Variants in SEMA3B observed in about 807,000 individuals in gnomAD.
SEMA3B encodes the protein semaphorin 3B, also known as semaphorin-3B.
In SEMA3B, 71 loss-of-function variants were observed where a neutral mutation model predicts 77.8. That is an observed-to-expected ratio of 0.91 (90% CI 0.75 to 1.11). The LOEUF (loss-of-function observed/expected upper bound fraction) is 1.11, where lower values mean the gene tolerates loss of function less well. Among genes scored for constraint, SEMA3B ranks in the 50% most tolerant of loss-of-function variants. The pLI, the probability that SEMA3B is intolerant of heterozygous loss-of-function variation, is 0.00. For synonymous variants in SEMA3B, 470 were observed against 452.9 expected, an observed-to-expected ratio of 1.04 and a Z score of -0.48; for missense variants, 968 against 1,056.8, an observed-to-expected ratio of 0.92 and a Z score of 1.17.
At position 50,275,534 on chromosome 3, in the gene SEMA3B, C is replaced by G. The variant is rs782085412; in HGVS notation, c.1650-26C>G. ...ACTGCCCGGGGCTGAAAGAAGGGCT[C>G]ACAGAAGATCGGATGTTCCCCACAG... On this transcript the variant is annotated intron_variant, in intron 14 of 16. Transcript: ENST00000616701. This position sits in a 1 kb window ranked among gnomAD's most constrained non-coding sequence, Gnocchi z 7.5. The G allele has an allele frequency of 2.5e-6, 4 of 1,613,636 alleles. No homozygotes were observed. The highest frequency in any genetic ancestry group is 3.4e-6 in the Non-Finnish European group (4 of 1,179,872).
In SEMA3B at chr3:50,276,804, TG is replaced by T. The variant is rs1475793666; in HGVS notation, c.*103del. 8 of 1,349,444 alleles carry T rather than the reference TG, an allele frequency of 5.9e-6. No individual in the cohort carries two copies. The highest frequency in any genetic ancestry group is 5.8e-6 in the Non-Finnish European group (6 of 1,041,090). 83.6% of individuals were successfully genotyped at this position (1,349,444 alleles called of 1,614,324 possible). ...AAGGACGGGTTGGGGCCGGGCACAT[TG>T]GGGGTCACCGGCCGATGGAGACACC... On this transcript the variant is annotated 3_prime_UTR_variant, in exon 17 of 17. Coordinates refer to ENST00000616701, the MANE Select transcript of SEMA3B (RefSeq NM_001290060.2). This position sits in a 1 kb window ranked among gnomAD's most constrained non-coding sequence, Gnocchi z 5.8.
chr3:50,262,282 G>C, the SEMA3B span: 2 of 152,128 alleles, frequency 1.3e-5, no homozygotes, highest in African/African-American at 4.8e-5. Flanking sequence ...GTGGCTGAGC[G>C]AGACTCCATC....
Position 50,270,719 on chromosome 3 carries a change from C to T in SEMA3B, c.331-171C>T, listed in dbSNP as rs1701024401. 1 of 1,235,408 alleles carries T rather than the reference C, an allele frequency of 8.1e-7. No homozygotes were observed. The highest frequency in any genetic ancestry group is 1.1e-6 in the Non-Finnish European group (1 of 900,676). 76.5% of individuals were successfully genotyped at this position (1,235,408 alleles called of 1,614,324 possible). On this transcript the variant is annotated intron_variant, in intron 3 of 16. Coordinates refer to ENST00000616701, the MANE Select transcript of SEMA3B (RefSeq NM_001290060.2). This position sits in a 1 kb window ranked among gnomAD's most constrained non-coding sequence, Gnocchi z 4.7. ...GCAGGCCTGTGCTTCCCCAGACACC[C>T]ACCCTCGTGAGGCCTGGGCTGGTCA...
rs782690597 is a variant in SEMA3B, at chr3:50,273,688, G to A, written c.922+42G>A. ...GTATGGGGTTGGGGAGGGGGGCAGCGGCGCAGACTCCGGGAGCCCCCGCCG... is the reference window on the plus strand; with the variant it reads ...GTATGGGGTTGGGGAGGGGGGCAGCAGCGCAGACTCCGGGAGCCCCCGCCG... On this transcript the variant is annotated intron_variant, in intron 8 of 16. Transcript: ENST00000616701. This position sits in a 1 kb window ranked among gnomAD's most constrained non-coding sequence, Gnocchi z 6.5. 2 of 1,602,180 alleles carry A rather than the reference G, an allele frequency of 1.2e-6. No individual in the cohort carries two copies. The highest frequency in any genetic ancestry group is 1.3e-5 in the African/African-American group (1 of 74,982).
rs1374756065 is a variant in SEMA3B at position 50,277,033 on chromosome 3, C to T, written c.*327C>T. The T allele has an allele frequency of 5.7e-6, 2 of 350,534 alleles. No individual in the cohort carries two copies. The highest frequency in any genetic ancestry group is 9.6e-5 in the East Asian group (2 of 20,866). The allele number at this position is 350,534 out of a possible 1,614,324, so 21.7% of individuals were successfully genotyped here. On this transcript the variant is annotated 3_prime_UTR_variant, in exon 17 of 17. Coordinates refer to ENST00000616701, the MANE Select transcript of SEMA3B (RefSeq NM_001290060.2). ...CACCCTGGGAGACAGACCCCACCTC[C>T]TTGGGTAGTGAGCAGTGAGCAGAAA... is the stretch of plus-strand genomic sequence containing the variant.
At chr3:50,272,570 G>A (rs1701080499) in intron 6 of SEMA3B, among the ~76,000 whole-genome samples, 1 of 152,102 alleles carries the variant, frequency 6.6e-6, no homozygotes, top group South Asian at 2.1e-4. Context: ...AATTAGTCCG[G>A]CATGATGGTG....
Position 50,270,737 on chromosome 3 carries a change from G to T in SEMA3B, c.331-153G>T, listed in dbSNP as rs1371469746. 6.7e-6 allele frequency: 9 copies of T among 1,334,168 alleles called. No individual in the cohort carries two copies. The highest frequency in any genetic ancestry group is 9.2e-6 in the Non-Finnish European group (9 of 981,008). 82.6% of individuals were successfully genotyped at this position (1,334,168 alleles called of 1,614,324 possible). ...AGACACCCACCCTCGTGAGGCCTGG[G>T]CTGGTCAGCAAGGGCCCCCAGGTCC... On this transcript the variant is annotated intron_variant, in intron 3 of 16. Coordinates refer to ENST00000616701, the MANE Select transcript of SEMA3B (RefSeq NM_001290060.2). The surrounding 1 kb of genome is among the most constrained non-coding windows in gnomAD (Gnocchi z 4.7).
rs767815160 is a variant in SEMA3B at position 50,273,210 on chromosome 3, C to T, written c.665-88C>T. On this transcript the variant is annotated intron_variant, in intron 6 of 16. Coordinates refer to ENST00000616701, the MANE Select transcript of SEMA3B (RefSeq NM_001290060.2). The surrounding 1 kb of genome is among the most constrained non-coding windows in gnomAD (Gnocchi z 6.5). Reference sequence around the variant, plus strand: ...ACACTGTGATCCCGGGTGCTGTGCCCGCACTACGGGAAGGGGAAGCAGCGC... The same window carrying T: ...ACACTGTGATCCCGGGTGCTGTGCCTGCACTACGGGAAGGGGAAGCAGCGC... 129 of 1,507,710 alleles carry T rather than the reference C, an allele frequency of 8.6e-5. No homozygotes were observed. The highest frequency in any genetic ancestry group is 3.5e-4 in the Middle Eastern group (2 of 5,764). The allele number at this position is 1,507,710 out of a possible 1,614,324, so 93.4% of individuals were successfully genotyped here. A position where few individuals can be genotyped will look rare whatever the true frequency, so the allele number is the denominator to read the frequency against.
In SEMA3B at chr3:50,275,724, G is replaced by C. The variant is rs1553706489; in HGVS notation, c.1725G>C (p.Leu575=). The C allele has an allele frequency of 1.9e-6, 3 of 1,612,656 alleles. No individual in the cohort carries two copies. The highest frequency in any genetic ancestry group is 2.2e-5 in the South Asian group (2 of 91,008). ...LCSGDSSRPA[L]LEHKVFGVEG... is the part of the protein sequence containing the mutation. ...CCCAAGACTCGTCTCGTCCCGCGCT[G>C]CTGGAACACAAGGTGTTCGGCGTGG... Residue 575 remains leucine, a synonymous_variant, in exon 16 of 17, where the codon CTG becomes CTC. Coordinates refer to ENST00000616701, the MANE Select transcript of SEMA3B (RefSeq NM_001290060.2). This position sits in a 1 kb window ranked among gnomAD's most constrained non-coding sequence, Gnocchi z 7.5.
chr3:50,276,567 C>T lies in SEMA3B; in HGVS notation c.2111C>T (p.Ala704Val). ...GTGGAGCCGGGCGGAGGTGGCAGCG[C>T]GAACTCCCTGCGCATGTGCCGCCCG... ...QLVEPGGGGS[A>V]NSLRMCRPQP... Residue 704 changes from alanine (A) to valine (V), a missense_variant, in exon 17 of 17, where the codon GCG becomes GTG. Transcript: ENST00000616701. This position sits in a 1 kb window ranked among gnomAD's most constrained non-coding sequence, Gnocchi z 5.8. The T allele has an allele frequency of 6.5e-7, 1 of 1,543,510 alleles. No homozygotes were observed. Among genetic ancestry groups the T allele is most frequent in the South Asian group, 1.2e-5 (1 of 84,196 alleles).
chr3:50,274,512 C>T lies in SEMA3B; in HGVS notation c.1287C>T (p.Thr429=). Residue 429 remains threonine, a synonymous_variant, in exon 11 of 17, where the codon ACC becomes ACT. Transcript: ENST00000616701. This position sits in a 1 kb window ranked among gnomAD's most constrained non-coding sequence, Gnocchi z 4.7. ...PLFLQVGANY[T]FTQIAADRVA... is the part of the protein sequence containing the mutation. Reference sequence around the variant, plus strand: ...TCCTACAAGTTGGAGCCAATTACACCTTCACTCAAATTGCCGCGGACCGGG... The same window carrying T: ...TCCTACAAGTTGGAGCCAATTACACTTTCACTCAAATTGCCGCGGACCGGG... 6.4e-7 allele frequency: 1 copy of T among 1,569,352 alleles called. No individual in the cohort carries two copies. The highest frequency in any genetic ancestry group is 1.4e-5 in the African/African-American group (1 of 73,236).
At chr3:50,267,730 G>A (rs1700939047), upstream of SEMA3B, 1 of 152,592 alleles carries the variant, frequency 6.6e-6, no homozygotes, top group Non-Finnish European at 1.5e-5. The surrounding 1 kb of genome is among the most constrained non-coding windows in gnomAD (Gnocchi z 5.7). Flanking sequence ...GGCAGCCAGT[G>A]TTGGCCTGGA....
rs2269430 is a variant in SEMA3B at position 50,269,619 on chromosome 3, C to T, written c.109+270C>T. 0.053 allele frequency among the ~76,000 whole-genome samples: 8,129 copies of T among 152,230 alleles called. 1,544 individuals carry two copies. In the East Asian group the frequency reaches 0.6, roughly 11 times the overall value. On this transcript the variant is annotated intron_variant, in intron 1 of 16. Transcript: ENST00000616701. The surrounding 1 kb of genome is among the most constrained non-coding windows in gnomAD (Gnocchi z 4.0). ...TTGTCTCTGTTCCGTTCAGTACCCCCAACAAGGCGATACTCCTTCAGCAGA... is the reference window on the plus strand; with the variant it reads ...TTGTCTCTGTTCCGTTCAGTACCCCTAACAAGGCGATACTCCTTCAGCAGA...
upstream of SEMA3B, among the ~76,000 whole-genome samples, chr3:50,265,740 C>T (rs1167505574): frequency 6.6e-6 from 1 of 152,212 alleles, no homozygotes; most frequent in African/African-American, 2.4e-5. Flanking sequence ...AGTTCCAGCC[C>T]CCAGTGTGAC....
chr3:50,265,438 G>C (rs1464619762), upstream of SEMA3B, among the ~76,000 whole-genome samples: 1 of 151,640 alleles, frequency 6.6e-6, no homozygotes, highest in Admixed American at 6.6e-5. Flanking sequence ...GTCCAGGCAG[G>C]GGCAAAGGGG....
the SEMA3B span, chr3:50,260,888 TCCCA>T: frequency 6.6e-6 from 1 of 152,268 alleles, no homozygotes; most frequent in East Asian, 1.9e-4. Context: ...TGCCCCGGCC[TCCCA>T]CCCAGGCTCA....
In SEMA3B at chr3:50,275,521, T is replaced by A. The variant is rs376366700; in HGVS notation, c.1650-39T>A. ...CGAAGGGTCTTTCACTGCCCGGGGCTGAAAGAAGGGCTCACAGAAGATCGG... is the reference window on the plus strand; with the variant it reads ...CGAAGGGTCTTTCACTGCCCGGGGCAGAAAGAAGGGCTCACAGAAGATCGG... On this transcript the variant is annotated intron_variant, in intron 14 of 16. Coordinates refer to ENST00000616701, the MANE Select transcript of SEMA3B (RefSeq NM_001290060.2). This position sits in a 1 kb window ranked among gnomAD's most constrained non-coding sequence, Gnocchi z 7.5. 1.7e-4 allele frequency: 274 copies of A among 1,613,198 alleles called. No homozygotes were observed. Among genetic ancestry groups the A allele is most frequent in the Non-Finnish European group, 2.2e-4 (265 of 1,179,738 alleles).
chr3:50,265,790 T>G (rs935325805), upstream of SEMA3B, among the ~76,000 whole-genome samples: 1 of 152,086 alleles, frequency 6.6e-6, no homozygotes, highest in African/African-American at 2.4e-5. Context: ...CTGACCTCCA[T>G]GGGGGCCCCT....
At chr3:50,261,720 G>A in the SEMA3B span, 2 of 152,186 alleles carry the variant, frequency 1.3e-5, no homozygotes, top group Admixed American at 6.5e-5. Flanking sequence ...CATGTTCCAG[G>A]GAGCCCCATG....
Sources: gnomAD v4.1 joint callset for allele counts (sites outside exome capture counted in the v4.1 genomes callset) on GRCh38, gnomAD v4.1.1 for gene constraint, Gnocchi (gnomAD v3.1) non-coding constraint, MANE v1.5 for transcripts, NCBI Gene and HGNC (gene_info 2026-07-23, HGNC 2026-07-21) for gene names.